Variants in XKR9 observed in about 807,000 individuals in gnomAD.
XKR9 encodes XK related 9.
A neutral mutation model predicts 32.0 loss-of-function variants in XKR9; 32 were observed. The observed-to-expected ratio is 1.00, with a 90% CI of 0.76 to 1.34. XKR9 has a LOEUF of 1.34. XKR9 is among the 40% of genes most tolerant of loss of function. The pLI, the probability that XKR9 is intolerant of heterozygous loss-of-function variation, is 0.00. For missense variants in XKR9, 546 were observed against 429.7 expected, an observed-to-expected ratio of 1.27 and a Z score of -2.39; for synonymous variants, 168 against 143.4, an observed-to-expected ratio of 1.17 and a Z score of -1.22.
chr8:70,776,945 C>CTCTCTCTCTCTCTA (rs1807531019), intron 2 of XKR9, among the ~76,000 whole-genome samples: 1 of 62,526 alleles, frequency 1.6e-5, no homozygotes. Context: ...CTCTCTCTCT[C>CTCTCTCTCTCTCTA]TCTATATATA....
chr8:70,703,829 CTA>C (rs1236852257), intron 3 of XKR9, among the ~76,000 whole-genome samples: 3 of 152,082 alleles, frequency 2.0e-5, no homozygotes, highest in African/African-American at 7.2e-5. Context: ...TGGGAATACA[CTA>C]TGTTAAGAAA....
intron 2 of XKR9, among the ~76,000 whole-genome samples, chr8:70,784,581 A>ATT (rs1168051503): frequency 3.2e-4 from 47 of 146,492 alleles, no homozygotes; most frequent in African/African-American, 1.1e-3. Context: ...GTTCTGGCAG[A>ATT]TTTTTTTTTT....
At chr8:70,853,267 G>A in the XKR9 span, among the ~76,000 whole-genome samples, 1 of 151,942 alleles carries the variant, frequency 6.6e-6, no homozygotes, top group African/African-American at 2.4e-5. Context: ...AGTGAGGCGT[G>A]GGGTGTGGAG....
the XKR9 span, among the ~76,000 whole-genome samples, chr8:70,808,035 C>T: frequency 1.3e-5 from 2 of 151,392 alleles, no homozygotes; most frequent in African/African-American, 4.8e-5. Flanking sequence ...TTAGGAAATG[C>T]AAAAAAAACC....
intron 2 of XKR9, among the ~76,000 whole-genome samples, chr8:70,758,158 T>C (rs188601291): frequency 5.3e-5 from 8 of 152,260 alleles, no homozygotes; most frequent in African/African-American, 1.9e-4. Context: ...GTCTCTCCCT[T>C]GTTCTCTCTG....
intron 4 of XKR9, among the ~76,000 whole-genome samples, chr8:70,720,505 T>C (rs897719825): frequency 6.6e-6 from 1 of 152,210 alleles, no homozygotes; most frequent in Non-Finnish European, 1.5e-5. Flanking sequence ...GTTTTTAGCA[T>C]GAAGGGGTGT....
the XKR9 span, among the ~76,000 whole-genome samples, chr8:71,032,378 A>AGGAAT: frequency 6.6e-6 from 1 of 151,706 alleles, no homozygotes; most frequent in Non-Finnish European, 1.5e-5. Context: ...TTCTTTAGCT[A>AGGAAT]TCAAGTGTTT....
chr8:71,062,250 T>C, the XKR9 span, among the ~76,000 whole-genome samples: 1 of 152,194 alleles, frequency 6.6e-6, no homozygotes, highest in Non-Finnish European at 1.5e-5. Flanking sequence ...CAGGATGCTA[T>C]AAGAAAATAC....
chr8:71,004,747 G>C, the XKR9 span, among the ~76,000 whole-genome samples: 7 of 152,302 alleles, frequency 4.6e-5, no homozygotes, highest in East Asian at 1.3e-3. Context: ...AGCCTCCCTG[G>C]CTAGGGCAGG....
chr8:70,981,295 G>A, the XKR9 span, among the ~76,000 whole-genome samples: 507 of 152,174 alleles, frequency 3.3e-3, 5 homozygotes, highest in African/African-American at 0.011. Context: ...GTTTGGATGT[G>A]TAACATAGTC....
At chr8:71,007,937 G>A in the XKR9 span, among the ~76,000 whole-genome samples, 1 of 151,260 alleles carries the variant, frequency 6.6e-6, no homozygotes, top group Non-Finnish European at 1.5e-5. Flanking sequence ...ATGGTAAAAG[G>A]GCAAAAAAAC....
At chr8:71,024,488 A>T in the XKR9 span, among the ~76,000 whole-genome samples, 2 of 152,080 alleles carry the variant, frequency 1.3e-5, no homozygotes, top group Admixed American at 6.5e-5. Flanking sequence ...CTGTGGCAGG[A>T]TACAGTCTAA....
the XKR9 span, among the ~76,000 whole-genome samples, chr8:71,005,200 C>T: frequency 2.7e-5 from 4 of 146,920 alleles, no homozygotes; most frequent in Non-Finnish European, 6.0e-5. Context: ...TTTTCTGGGG[C>T]TCAGTTTTTT....
chr8:70,924,907 G>T, the XKR9 span, among the ~76,000 whole-genome samples: 3 of 152,284 alleles, frequency 2.0e-5, no homozygotes, highest in African/African-American at 7.2e-5. Context: ...TCACTTGAAG[G>T]ATTAAAAGAA....
At chr8:70,930,560 G>A in the XKR9 span, among the ~76,000 whole-genome samples, 1 of 152,170 alleles carries the variant, frequency 6.6e-6, no homozygotes, top group Non-Finnish European at 1.5e-5. Context: ...GTTAATGGAT[G>A]CATTATGTTC....
chr8:70,939,482 C>T, the XKR9 span, among the ~76,000 whole-genome samples: 1 of 152,056 alleles, frequency 6.6e-6, no homozygotes, highest in Non-Finnish European at 1.5e-5. Context: ...CCCCACCTAA[C>T]CTGAATCAAC....
At chr8:70,719,616 G>T (rs1274752612) in intron 4 of XKR9, among the ~76,000 whole-genome samples, 2 of 152,052 alleles carry the variant, frequency 1.3e-5, no homozygotes, top group Non-Finnish European at 2.9e-5. Context: ...GACCTGTGGT[G>T]TTATTTCTGA....
At chr8:70,885,850 C>T in the XKR9 span, among the ~76,000 whole-genome samples, 2 of 152,132 alleles carry the variant, frequency 1.3e-5, no homozygotes, top group Non-Finnish European at 2.9e-5. Flanking sequence ...CCCACCTTGG[C>T]CTCCCAAAGT....
chr8:71,015,482 G>A, the XKR9 span, among the ~76,000 whole-genome samples: 1 of 152,142 alleles, frequency 6.6e-6, no homozygotes, highest in Non-Finnish European at 1.5e-5. Flanking sequence ...ACATGCTTTA[G>A]TCCTCAGAAA....
Sources: allele counts gnomAD v4.1 joint callset (sites outside exome capture counted in the v4.1 genomes callset), GRCh38; gene constraint gnomAD v4.1.1; transcripts MANE v1.5; gene names NCBI Gene and HGNC (gene_info 2026-07-23, HGNC 2026-07-21).